Variants in TMED6 observed in about 807,000 individuals in gnomAD.
TMED6 encodes the protein transmembrane emp24 domain-containing protein 6.
In TMED6, 17 loss-of-function variants were observed where a neutral mutation model predicts 26.5. The ratio of observed to expected loss-of-function variants is 0.64; its 90% CI spans 0.44 to 0.96. TMED6 has a LOEUF of 0.96. TMED6 is among the 40% of genes least tolerant of loss of function. The pLI, the probability that TMED6 is intolerant of heterozygous loss-of-function variation, is 0.00. For synonymous variants in TMED6, 107 were observed against 106.2 expected (o/e 1.01, Z -0.04); for missense variants, 309 against 296.5 (o/e 1.04, Z -0.31).
At chr16:69,349,962 T>C (rs564465038) in intron 1 of TMED6, among the ~76,000 whole-genome samples, 25 of 152,262 alleles carry the variant, frequency 1.6e-4, no homozygotes, top group African/African-American at 5.8e-4. Context: ...ACACAGCTAG[T>C]GTGGATCCAC....
At chr16:69,348,892 G>C (rs533815561) in intron 2 of TMED6, among the ~76,000 whole-genome samples, 1 of 152,360 alleles carries the variant, frequency 6.6e-6, no homozygotes, top group African/African-American at 2.4e-5. Context: ...TGAGATTACA[G>C]GTGTGAGCCA....
At position 69,343,497 on chromosome 16, in the gene TMED6, A is replaced by T. The variant is rs904867034; in HGVS notation, c.633T>A (p.Val211=). Residue 211 remains valine, a synonymous_variant, in exon 4 of 4, where the codon GTT becomes GTA. Coordinates refer to ENST00000288025, the MANE Select transcript of TMED6 (RefSeq NM_144676.4). ...GTTGCAGGATCCCAGAAAGAATAATAACAAGGCTCTGGGCTGTCGACCACC... is the reference window on the plus strand; with the variant it reads ...GTTGCAGGATCCCAGAAAGAATAATTACAAGGCTCTGGGCTGTCGACCACC... ...VNWWSTAQSL[V]IILSGILQLY... 4 of 1,614,216 alleles carry T rather than the reference A, an allele frequency of 2.5e-6. No homozygotes were observed. The highest frequency in any genetic ancestry group is 3.4e-6 in the Non-Finnish European group (4 of 1,180,036).
intron 2 of TMED6, 154 bp from the exon 3 acceptor site, chr16:69,348,090 C>G: frequency 1.3e-6 from 1 of 769,570 alleles, no homozygotes; most frequent in South Asian, 2.1e-5. Flanking sequence ...ATGGAAGACA[C>G]GGACCTTATG....
Position 69,351,665 on chromosome 16 carries a change from G to A in TMED6, c.89C>T (p.Ser30Phe). The A allele has an allele frequency of 6.2e-7, 1 of 1,613,950 alleles. No homozygotes were observed. Among genetic ancestry groups the A allele is most frequent in the Non-Finnish European group, 8.5e-7 (1 of 1,180,020 alleles). ...RSQKTEPLSG[S>F]GDQPLFRGAD... ...TCCACGGAAGAGTGGCTGGTCCCCA[G>A]AGCCACTTAGAGGTTCTGTCTTCTG... Residue 30 changes from serine (S) to phenylalanine (F), a missense_variant, in exon 1 of 4, where the codon TCT (serine) becomes TTT (phenylalanine). Physicochemically the swap from Ser to Phe is radical, Grantham distance 155 (BLOSUM62 -2). Transcript: ENST00000288025.
chr16:69,348,121 ACTTAT>A (rs2012715625), intron 2 of TMED6, 185 bp from the exon 3 acceptor site: 2 of 570,638 alleles, frequency 3.5e-6, no homozygotes, highest in African/African-American at 3.8e-5. Context: ...ACTAAATATT[ACTTAT>A]TATATTTGGC....
intron 2 of TMED6, 194 bp from the exon 3 acceptor site, chr16:69,348,130 A>G: frequency 3.9e-6 from 2 of 511,432 alleles, no homozygotes; most frequent in South Asian, 7.2e-5. Flanking sequence ...TACTTATTAT[A>G]TTTGGCCAAA....
intron 3 of TMED6, among the ~76,000 whole-genome samples, chr16:69,344,811 G>T (rs1005751562): frequency 6.6e-6 from 1 of 151,606 alleles, no homozygotes; most frequent in Non-Finnish European, 1.5e-5. Context: ...AAAAGTGGCC[G>T]GGCACGGTGG....
chr16:69,351,116 T>C (rs961048317), intron 1 of TMED6, among the ~76,000 whole-genome samples: 1 of 152,104 alleles, frequency 6.6e-6, no homozygotes, highest in African/African-American at 2.4e-5. Flanking sequence ...GAATTGCTCC[T>C]AAAGGCAGCA....
chr16:69,349,460 T>C, intron 2 of TMED6, 65 bp downstream of exon 2: 1 of 1,558,380 alleles, frequency 6.4e-7, no homozygotes, highest in Non-Finnish European at 8.7e-7. Context: ...GTATACTTCC[T>C]CATTATTTCT....
chr16:69,351,604 T>C lies in TMED6; in HGVS notation c.150A>G (p.Pro50=). The stretch of plus-strand genomic sequence containing the variant: ...ATTGCCAAAAGCATTCCGTGCCTCC[T>C]GGAGGTATCATGATGGCAAAGTCAT... The part of the protein sequence containing the change: ...DRYDFAIMIP[P]GGTECFWQFA... The change falls in exon 1 of 4, where the codon CCA becomes CCG. Residue 50 remains proline, a synonymous_variant. Coordinates refer to ENST00000288025, the MANE Select transcript of TMED6 (RefSeq NM_144676.4). 6.2e-7 allele frequency: 1 copy of C among 1,614,156 alleles called. No individual in the cohort carries two copies. The highest frequency in any genetic ancestry group is 8.5e-7 in the Non-Finnish European group (1 of 1,180,028).
chr16:69,349,479 A>G (rs1212840537), intron 2 of TMED6, 46 bp downstream of exon 2: 4 of 1,588,106 alleles, frequency 2.5e-6, no homozygotes, highest in South Asian at 1.1e-5. Context: ...CTGTAATTTC[A>G]TAGGACCCTA....
chr16:69,350,683 T>G (rs1408689809), intron 1 of TMED6, among the ~76,000 whole-genome samples: 1 of 152,084 alleles, frequency 6.6e-6, no homozygotes, highest in Non-Finnish European at 1.5e-5. Flanking sequence ...TGCTTGGCAG[T>G]GCACACCTAC....
At chr16:69,345,678 C>CAAAAA (rs34468905) in intron 3 of TMED6, among the ~76,000 whole-genome samples, 2 of 43,436 alleles carry the variant, frequency 4.6e-5, no homozygotes, top group Non-Finnish European at 8.4e-5. Flanking sequence ...CTGACTCTCT[C>CAAAAA]AAAAAAAAAA....
intron 2 of TMED6, 150 bp from the exon 3 acceptor site, chr16:69,348,086 G>T: frequency 1.3e-6 from 1 of 790,370 alleles, no homozygotes; most frequent in Non-Finnish European, 2.0e-6. Flanking sequence ...TGACATGGAA[G>T]ACACGGACCT....
At chr16:69,343,787 T>C in intron 3 of TMED6, 147 bp from the exon 4 acceptor site, 1 of 708,790 alleles carries the variant, frequency 1.4e-6, no homozygotes, top group Non-Finnish European at 2.3e-6. Context: ...TTAAATGTTG[T>C]GTTTGCTATG....
At position 69,343,636 on chromosome 16, in the gene TMED6, C is replaced by T; in HGVS notation, c.494G>A (p.Gly165Asp). 1 of 1,612,854 alleles carries T rather than the reference C, an allele frequency of 6.2e-7. No homozygotes were observed. Among genetic ancestry groups the T allele is most frequent in the Non-Finnish European group, 8.5e-7 (1 of 1,178,898 alleles). ...GATATTGTTCTGCACCTTTTGTGTG[C>T]CGTCCTATGAGAGAGACAATTTTAA... ...LNDTLDAIED[G>D]TQKVQNNIFH... is the part of the protein sequence containing the mutation. Residue 165 changes from glycine (G) to aspartate (D), a missense_variant, in exon 4 of 4, where the codon GGC becomes GAC. Physicochemically the swap from Gly to Asp is moderately conservative, Grantham distance 94 (BLOSUM62 -1). Transcript: ENST00000288025.
rs761612203 is a variant in TMED6, at chr16:69,351,745, A to C, written c.9T>G (p.Pro3=). 6 of 1,612,608 alleles carry C rather than the reference A, an allele frequency of 3.7e-6. No homozygotes were observed. The highest frequency in any genetic ancestry group is 4.2e-6 in the Non-Finnish European group (5 of 1,179,892). Residue 3 remains proline (P), a synonymous_variant, in exon 1 of 4, where the codon CCT becomes CCG. Coordinates refer to ENST00000288025, the MANE Select transcript of TMED6 (RefSeq NM_144676.4). MS[P]LLFGAGLVVL... is the part of the protein sequence containing the mutation. The stretch of plus-strand genomic sequence containing the variant: ...CGACCAGCCCAGCCCCAAAGAGCAA[A>C]GGGGACATGCCGCTTTCTGGAGCCT...
rs1314099676 is a variant in TMED6 at position 69,343,426 on chromosome 16, G to A, written c.704C>T (p.Thr235Ile). Residue 235 changes from threonine to isoleucine, a missense_variant, in exon 4 of 4, where the codon ACA becomes ATA. By Grantham distance (89) the Thr-to-Ile change is moderately conservative (BLOSUM62 -1). Transcript: ENST00000288025. The part of the protein sequence containing the change: ...RLFNVPTTTD[T>I]KKPRC ...CTTAGCTTAGCATCTTGGCTTCTTT[G>A]TATCTGTAGTTGTTGGAACATTGAA... is the stretch of plus-strand genomic sequence containing the variant. 6.2e-7 allele frequency: 1 copy of A among 1,614,148 alleles called. No homozygotes were observed. The highest frequency in any genetic ancestry group is 1.1e-5 in the South Asian group (1 of 91,092).
At chr16:69,344,973 C>T (rs2012660171) in intron 3 of TMED6, among the ~76,000 whole-genome samples, 1 of 152,098 alleles carries the variant, frequency 6.6e-6, no homozygotes, top group African/African-American at 2.4e-5. Flanking sequence ...CCTGTAATCC[C>T]AGCTACTTGG....
Sources: gnomAD v4.1 joint callset for allele counts (sites outside exome capture counted in the v4.1 genomes callset) on GRCh38, gnomAD v4.1.1 for gene constraint, MANE v1.5 for transcripts, NCBI Gene and HGNC (gene_info 2026-07-23, HGNC 2026-07-21) for gene names.